ASIC2: variants seen among roughly 807,000 people sequenced by gnomAD.
The protein encoded by ASIC2 is acid sensing ion channel subunit 2.
In ASIC2, 25 loss-of-function variants were observed where a neutral mutation model predicts 57.3. The ratio of observed to expected loss-of-function variants is 0.44; its 90% confidence interval spans 0.32 to 0.61. The LOEUF (loss-of-function observed/expected upper bound fraction) is 0.61, where lower values mean the gene tolerates loss of function less well. Ranked by LOEUF, ASIC2 falls within the 20% of genes least tolerant of loss-of-function variation. The pLI, the probability that ASIC2 is intolerant of heterozygous loss-of-function variation, is 0.06. For synonymous variants in ASIC2, 319 were observed against 307.5 expected (o/e 1.04, Z -0.39); for missense variants, 641 against 738.1 (o/e 0.87, Z 1.52).
chr17:33,917,876 ACACACGTGCATGTG>A (rs1915618503), intron 1 of ASIC2, among the ~76,000 whole-genome samples: 1 of 146,798 alleles, frequency 6.8e-6, no homozygotes, highest in African/African-American at 2.5e-5. Context: ...ACACACACAC[ACACACGTGCATGTG>A]CACACACACA....
chr17:33,593,984 T>C (rs1904906834), intron 1 of ASIC2, among the ~76,000 whole-genome samples: 1 of 152,254 alleles, frequency 6.6e-6, no homozygotes, highest in South Asian at 2.1e-4. Flanking sequence ...TATTATTTTC[T>C]ATTCAAATTT....
intron 1 of ASIC2, among the ~76,000 whole-genome samples, chr17:34,101,553 G>A (rs1450660844): frequency 1.3e-5 from 2 of 152,124 alleles, no homozygotes; most frequent in Non-Finnish European, 2.9e-5. Flanking sequence ...ATAATTTAAT[G>A]ATTTAATAAT....
chr17:33,704,236 T>G (rs1045201561), intron 1 of ASIC2, among the ~76,000 whole-genome samples: 2 of 152,206 alleles, frequency 1.3e-5, no homozygotes, highest in African/African-American at 4.8e-5. Context: ...AAACTGATGC[T>G]TTGCTCGTTA....
intron 1 of ASIC2, among the ~76,000 whole-genome samples, chr17:33,167,295 C>T (rs987019987): frequency 6.6e-6 from 1 of 152,154 alleles, no homozygotes; most frequent in Admixed American, 6.5e-5. Context: ...ATGACCAAAG[C>T]CCCTGAGGCA....
intron 1 of ASIC2, among the ~76,000 whole-genome samples, chr17:33,242,358 A>C (rs1482405393): frequency 6.6e-6 from 1 of 152,152 alleles, no homozygotes; most frequent in Middle Eastern, 3.2e-3. Flanking sequence ...ATGAATCAGA[A>C]AGTCTTCCAT....
intron 1 of ASIC2, among the ~76,000 whole-genome samples, chr17:34,111,597 C>A (rs1182374095): frequency 6.6e-6 from 1 of 152,114 alleles, no homozygotes; most frequent in Admixed American, 6.5e-5. Flanking sequence ...AAGCCTTTGA[C>A]ACTTATTGTT....
intron 1 of ASIC2, among the ~76,000 whole-genome samples, chr17:33,668,272 CTTTTTTTTTTTTTT>C (rs397856474): frequency 0.046 from 2,836 of 61,498 alleles, 182 homozygotes; most frequent in African/African-American, 0.12. Flanking sequence ...ATCAAATGTT[CTTTTTTTTTTTTTT>C]TTTTTTTTTT....
chr17:33,970,057 T>C (rs1176147378), intron 1 of ASIC2, among the ~76,000 whole-genome samples: 2 of 152,198 alleles, frequency 1.3e-5, no homozygotes, highest in African/African-American at 4.8e-5. Flanking sequence ...TCGGCAGTTC[T>C]GAGGCTAGCA....
intron 1 of ASIC2, among the ~76,000 whole-genome samples, chr17:33,276,719 A>T (rs1009806569): frequency 2.0e-5 from 3 of 152,242 alleles, no homozygotes; most frequent in African/African-American, 7.2e-5. Flanking sequence ...GGAAAGAGTT[A>T]ACTTAATAGA....
chr17:34,062,468 A>G (rs1437570024), intron 1 of ASIC2, among the ~76,000 whole-genome samples: 1 of 152,188 alleles, frequency 6.6e-6, no homozygotes, highest in African/African-American at 2.4e-5. Flanking sequence ...GGAACTAGAG[A>G]AAGAAGAACA....
intron 1 of ASIC2, among the ~76,000 whole-genome samples, chr17:33,331,006 T>G (rs147736820): frequency 2.4e-4 from 37 of 152,254 alleles, no homozygotes; most frequent in Middle Eastern, 6.8e-3. Context: ...ATGCTTGTTA[T>G]GAACCGGGCT....
intron 1 of ASIC2, among the ~76,000 whole-genome samples, chr17:33,793,089 T>A (rs1431132533): frequency 6.6e-6 from 1 of 152,212 alleles, no homozygotes; most frequent in Admixed American, 6.5e-5. Context: ...GTGGAAAGAA[T>A]GAATGAAAAA....
chr17:33,947,568 A>C (rs375993992), intron 1 of ASIC2, among the ~76,000 whole-genome samples: 1 of 152,240 alleles, frequency 6.6e-6, no homozygotes, highest in East Asian at 1.9e-4. Flanking sequence ...TGGAGAAGGA[A>C]AGCTCAGGCA....
chr17:33,628,016 C>G (rs1334496671), intron 1 of ASIC2, among the ~76,000 whole-genome samples: 1 of 151,878 alleles, frequency 6.6e-6, no homozygotes, highest in South Asian at 2.1e-4. Flanking sequence ...GGGGACAGAG[C>G]GAGACTCTGT....
At chr17:34,029,449 T>C (rs191731713) in intron 1 of ASIC2, among the ~76,000 whole-genome samples, 19 of 151,948 alleles carry the variant, frequency 1.3e-4, no homozygotes, top group Non-Finnish European at 4.4e-5. Flanking sequence ...CAGCCCTTCA[T>C]AGTTTCTGAA....
At chr17:33,158,726 T>C (rs754904034) in intron 1 of ASIC2, among the ~76,000 whole-genome samples, 3 of 152,280 alleles carry the variant, frequency 2.0e-5, no homozygotes, top group Non-Finnish European at 2.9e-5. Context: ...TCAGTCTCTC[T>C]GTTCCACCTT....
chr17:33,921,827 C>A (rs1400328461), intron 1 of ASIC2, among the ~76,000 whole-genome samples: 1 of 152,140 alleles, frequency 6.6e-6, no homozygotes, highest in Non-Finnish European at 1.5e-5. Context: ...TCAAACTAAG[C>A]TCATTATGGG....
intron 1 of ASIC2, among the ~76,000 whole-genome samples, chr17:33,360,249 T>C: frequency 6.6e-6 from 1 of 152,214 alleles, no homozygotes; most frequent in East Asian, 1.9e-4. Context: ...TTAAAATAAA[T>C]GGTTGAATAA....
intron 1 of ASIC2, among the ~76,000 whole-genome samples, chr17:33,147,839 C>A (rs144397421): frequency 1.3e-5 from 2 of 152,210 alleles, no homozygotes. Flanking sequence ...TTAGCTCCTA[C>A]TCAGGGGCTT....
Sources: gnomAD v4.1 joint callset for allele counts (sites outside exome capture counted in the v4.1 genomes callset) on GRCh38, gnomAD v4.1.1 for gene constraint, MANE v1.5 for transcripts, NCBI Gene and HGNC (gene_info 2026-07-23, HGNC 2026-07-21) for gene names.